AFDN: variants seen among roughly 807,000 people sequenced by gnomAD.
AFDN encodes the protein afadin.
Under a neutral mutation model 216.6 loss-of-function variants are expected in AFDN, and 68 were observed. The observed-to-expected ratio is 0.31, with a 90% CI of 0.26 to 0.38. The LOEUF (loss-of-function observed/expected upper bound fraction) is 0.38, where lower values mean the gene tolerates loss of function less well. Among genes scored for constraint, AFDN ranks in the 10% least tolerant of loss-of-function variants. The pLI is 1.00. For synonymous variants in AFDN, 868 were observed against 853.7 expected (o/e 1.02, Z -0.29); for missense variants, 2,136 against 2,342.0 (o/e 0.91, Z 1.82).
intron 1 of AFDN, 81 bp from the exon 2 acceptor site, chr6:167,864,470 A>T: frequency 7.7e-7 from 1 of 1,296,912 alleles, no homozygotes. Context: ...AAGTGAACAG[A>T]CTTCCTCATT....
chr6:167,946,908 GT>G lies in AFDN; in HGVS notation c.3553+8del. On this transcript the variant is annotated splice_region_variant and intron_variant, in intron 27 of 33. Transcript: ENST00000683244. The stretch of plus-strand genomic sequence containing the variant: ...TCCAGCCCCAACGTAGCAAGTAAGA[GT>G]GACACTTTTTTGCTTCCTAAGTACA... 6.2e-7 allele frequency: 1 copy of G among 1,604,764 alleles called. No homozygotes were observed. The highest frequency in any genetic ancestry group is 8.5e-7 in the Non-Finnish European group (1 of 1,177,726).
At chr6:167,945,096 C>T (rs969292829) in intron 26 of AFDN, among the ~76,000 whole-genome samples, 4 of 152,066 alleles carry the variant, frequency 2.6e-5, no homozygotes, top group African/African-American at 9.7e-5. Flanking sequence ...GCTTAAAACA[C>T]AAACATGTTG....
chr6:167,956,694 C>G (rs144873245), intron 30 of AFDN, among the ~76,000 whole-genome samples: 1 of 152,188 alleles, frequency 6.6e-6, no homozygotes, highest in Non-Finnish European at 1.5e-5. Flanking sequence ...TTCAGCCTTC[C>G]CCATTTCAGC....
intron 8 of AFDN, among the ~76,000 whole-genome samples, chr6:167,893,364 G>T (rs899289877): frequency 6.6e-6 from 1 of 152,144 alleles, no homozygotes; most frequent in Non-Finnish European, 1.5e-5. Context: ...GATAAGTACT[G>T]TATTTCCCCT....
intron 31 of AFDN, chr6:167,964,289 G>A: frequency 9.4e-7 from 1 of 1,063,934 alleles, no homozygotes; most frequent in Non-Finnish European, 1.1e-6. Flanking sequence ...AAGTTGTCTT[G>A]TAATTGTATC....
chr6:167,940,087 A>C (rs749265771), intron 23 of AFDN, among the ~76,000 whole-genome samples: 2 of 152,236 alleles, frequency 1.3e-5, no homozygotes, highest in Non-Finnish European at 2.9e-5. Flanking sequence ...TGTGTGGACT[A>C]TGGTGAATGA....
rs140608507 is a variant in AFDN at position 167,858,666 on chromosome 6, C to T, written c.106-5885C>T. Among the ~76,000 whole-genome samples the T allele has an allele frequency of 3.8e-3, 578 of 152,260 alleles. 2 individuals carry two copies. The highest frequency in any genetic ancestry group is 0.013 in the African/African-American group (543 of 41,550). On this transcript the variant is annotated intron_variant, in intron 1 of 33. Coordinates refer to ENST00000683244, the MANE Select transcript of AFDN (RefSeq NM_001386888.1). ...TTTTCAGACAAAAATTTAACGAAGT[C>T]ATTTGATTTTAAAGACCACATGTAC...
At position 167,957,682 on chromosome 6, in the gene AFDN, A is replaced by T. The variant is rs116241986; in HGVS notation, c.4834-4751A>T. Reference sequence around the variant, plus strand: ...GATGTCTGCTTTCTCCTGGCAGAGTACTCTGTCCTAGCCTTGGAACCTGTC... The same window carrying T: ...GATGTCTGCTTTCTCCTGGCAGAGTTCTCTGTCCTAGCCTTGGAACCTGTC... On this transcript the variant is annotated intron_variant, in intron 30 of 33. Transcript: ENST00000683244. Among the ~76,000 whole-genome samples, 657 of 152,140 alleles carry T rather than the reference A, an allele frequency of 4.3e-3. 8 individuals carry two copies. Among genetic ancestry groups the T allele is most frequent in the African/African-American group, 0.015 (620 of 41,498 alleles).
chr6:167,948,299 A>G lies in AFDN; in HGVS notation c.3652A>G (p.Thr1218Ala). 6.2e-7 allele frequency: 1 copy of G among 1,606,914 alleles called. No homozygotes were observed. Among genetic ancestry groups the G allele is most frequent in the Non-Finnish European group, 8.5e-7 (1 of 1,176,610 alleles). Residue 1218 changes from threonine to alanine, a missense_variant, in exon 29 of 34, where the codon ACG becomes GCG. Around this residue, in one of 8 missense-constraint regions of AFDN, gnomAD observed 981 missense variants for 966.0 expected, o/e 1.02. Transcript: ENST00000683244. Reference protein sequence around the residue: ...STGNLCTEEQTPPPRPEAYPI... With the variant: ...STGNLCTEEQAPPPRPEAYPI... ...TGTTCTTCACATTTTACAGGAGCAGACGCCTCCGCCTAGACCTGAAGCCTA... is the reference window on the plus strand; with the variant it reads ...TGTTCTTCACATTTTACAGGAGCAGGCGCCTCCGCCTAGACCTGAAGCCTA...
At chr6:167,916,599 T>G (rs1167434125) in intron 19 of AFDN, among the ~76,000 whole-genome samples, 3 of 152,216 alleles carry the variant, frequency 2.0e-5, no homozygotes, top group African/African-American at 7.2e-5. Flanking sequence ...TAGGAGGTGA[T>G]GTTTTGCAAT....
Position 167,943,150 on chromosome 6 carries a change from G to A in AFDN, c.3121G>A (p.Gly1041Arg). Residue 1041 changes from glycine (G) to arginine (R), a missense_variant, in exon 24 of 34, where the codon GGA becomes AGA. Gly to Arg is a moderately radical substitution (Grantham distance 125, BLOSUM62 -2). Around this residue, in one of 8 missense-constraint regions of AFDN, gnomAD observed 74 missense variants for 98.8 expected, o/e 0.75. Transcript: ENST00000683244. ...AAKGAGQDKL[G>R]IYVKSVVKGG... is the part of the protein sequence containing the mutation. ...ATAGGGTGCTGGTCAAGATAAACTAGGAATCTATGTGAAGTCGGTTGTGAA... is the reference window on the plus strand; with the variant it reads ...ATAGGGTGCTGGTCAAGATAAACTAAGAATCTATGTGAAGTCGGTTGTGAA... The A allele has an allele frequency of 6.2e-7, 1 of 1,613,948 alleles. No homozygotes were observed. The highest frequency in any genetic ancestry group is 8.5e-7 in the Non-Finnish European group (1 of 1,179,918).
At chr6:167,923,064 T>G in intron 22 of AFDN, 105 bp downstream of exon 22, 1 of 757,764 alleles carries the variant, frequency 1.3e-6, no homozygotes, top group Non-Finnish European at 2.1e-6. Flanking sequence ...GATGGCAGAG[T>G]TTTAAAATCG....
At chr6:167,845,056 C>T (rs1171158646) in intron 1 of AFDN, among the ~76,000 whole-genome samples, 9 of 151,946 alleles carry the variant, frequency 5.9e-5, no homozygotes, top group Non-Finnish European at 1.2e-4. Context: ...AAGATGTGGT[C>T]TCACTATGTT....
At chr6:167,854,470 T>C (rs1782675597) in intron 1 of AFDN, among the ~76,000 whole-genome samples, 2 of 152,066 alleles carry the variant, frequency 1.3e-5, no homozygotes, top group East Asian at 1.9e-4. Flanking sequence ...TATTAACATT[T>C]CTTTAATTGA....
At position 167,897,936 on chromosome 6, in the gene AFDN, G is replaced by A. The variant is rs528094010; in HGVS notation, c.1318-269G>A. Reference sequence around the variant, plus strand: ...TGGGATTACAGGCGTGAGCCACCGCGCCTGGCCAACTGTATGCTTTTTAAT... The same window carrying A: ...TGGGATTACAGGCGTGAGCCACCGCACCTGGCCAACTGTATGCTTTTTAAT... On this transcript the variant is annotated intron_variant, in intron 10 of 33. Transcript: ENST00000683244. Among the ~76,000 whole-genome samples the A allele has an allele frequency of 9.7e-4, 147 of 152,150 alleles. 1 individual carries two copies. Among genetic ancestry groups the A allele is most frequent in the Admixed American group, 4.3e-3 (66 of 15,282 alleles).
At chr6:167,954,542 T>G (rs1328188070) in intron 30 of AFDN, 2 of 1,557,198 alleles carry the variant, frequency 1.3e-6, no homozygotes, top group Admixed American at 3.6e-5. Context: ...GTCTTGATTT[T>G]CTTTTCTTTC....
chr6:167,943,473 A>G lies in AFDN; in HGVS notation c.3237A>G (p.Glu1079=), dbSNP rs1794929596. 1 of 1,612,284 alleles carries G rather than the reference A, an allele frequency of 6.2e-7. No homozygotes were observed. Among genetic ancestry groups the G allele is most frequent in the Non-Finnish European group, 8.5e-7 (1 of 1,178,260 alleles). Residue 1079 remains glutamate (E), a splice_region_variant and synonymous_variant, in exon 25 of 34, where the codon GAA becomes GAG. Transcript: ENST00000683244. ...GAAGTCTGGTTGGACTCTCTCAGGA[A>G]AGGTATCATTGATTTATTTGCTTGA... ...DGRSLVGLSQ[E]RAAELMTRTS... is the part of the protein sequence containing the mutation.
At chr6:167,943,539 G>T (rs376397455) in intron 25 of AFDN, 64 bp downstream of exon 25, 1 of 1,315,504 alleles carries the variant, frequency 7.6e-7, no homozygotes, top group South Asian at 1.2e-5. Flanking sequence ...TGCATTAAAT[G>T]TTGAAATTGG....
chr6:167,896,323 A>C (rs1410554174), intron 9 of AFDN, among the ~76,000 whole-genome samples: 3 of 152,152 alleles, frequency 2.0e-5, no homozygotes, highest in Admixed American at 2.0e-4. Context: ...AGTAATGGAC[A>C]GCAGAATTAC....
Sources: allele counts gnomAD v4.1 joint callset (sites outside exome capture counted in the v4.1 genomes callset), GRCh38; gene constraint gnomAD v4.1.1; regional missense constraint gnomAD v4.1.1; transcripts MANE v1.5; gene names NCBI Gene and HGNC (gene_info 2026-07-23, HGNC 2026-07-21).